The following LARGE1 variants were observed in gnomAD, a reference collection of about 807,000 sequenced individuals.
LARGE1 encodes the protein LARGE xylosyl- and glucuronyltransferase 1, also known as xylosyl- and glucuronyltransferase LARGE1.
A neutral mutation model predicts 87.6 loss-of-function variants in LARGE1; 43 were observed. That is an observed-to-expected ratio of 0.49 (90% CI 0.38 to 0.63). LARGE1 has a LOEUF of 0.63. Ranked by LOEUF, LARGE1 falls within the 30% of genes least tolerant of loss-of-function variation. LARGE1 has a pLI of 0.00. For missense variants in LARGE1, 802 were observed against 1,000.2 expected, an observed-to-expected ratio of 0.80 and a Z score of 2.67; for synonymous variants, 434 against 394.6, an observed-to-expected ratio of 1.10 and a Z score of -1.18.
chr22:33,484,702 G>A (rs1045918435), intron 6 of LARGE1, among the ~76,000 whole-genome samples: 3 of 152,032 alleles, frequency 2.0e-5, no homozygotes, highest in South Asian at 4.2e-4. Flanking sequence ...ACTGTTTTGC[G>A]CCCATCCGCC....
At chr22:33,384,171 C>T (rs752408665) in intron 8 of LARGE1, 21 bp downstream of exon 8, 5 of 1,545,042 alleles carry the variant, frequency 3.2e-6, no homozygotes, top group Admixed American at 3.3e-5. Flanking sequence ...AATAGCTGCA[C>T]CTTCGAACCT....
intron 1 of LARGE1, among the ~76,000 whole-genome samples, chr22:33,876,442 A>G (rs570180299): frequency 1.3e-5 from 2 of 152,264 alleles, no homozygotes; most frequent in African/African-American, 4.8e-5. Flanking sequence ...TGATACAGAT[A>G]TGTTACCTTT....
chr22:33,268,110 T>A (rs775041917), downstream of LARGE1, among the ~76,000 whole-genome samples: 5 of 151,348 alleles, frequency 3.3e-5, no homozygotes, highest in African/African-American at 4.9e-5. Context: ...TCTGCCACTG[T>A]GCCCGGCTAT....
chr22:33,188,011 C>CAT (rs1923579250), intron 11 of LARGE1, among the ~76,000 whole-genome samples: 1 of 141,824 alleles, frequency 7.1e-6, no homozygotes, highest in Non-Finnish European at 1.5e-5. Context: ...ATAGTGTGTG[C>CAT]GGTAATGTCT....
intron 6 of LARGE1, among the ~76,000 whole-genome samples, chr22:33,550,176 C>T (rs5999006): frequency 0.013 from 1,549 of 120,514 alleles, 23 homozygotes; most frequent in African/African-American, 0.042. Flanking sequence ...CACACACACA[C>T]ATATATATAT....
intron 7 of LARGE1, among the ~76,000 whole-genome samples, chr22:33,431,801 C>T (rs569428960): frequency 1.3e-5 from 2 of 152,134 alleles, no homozygotes; most frequent in Admixed American, 6.6e-5. Context: ...AAGTACATAT[C>T]CGTTGTGTTA....
chr22:33,121,963 G>T, the LARGE1 span, among the ~76,000 whole-genome samples: 186 of 152,176 alleles, frequency 1.2e-3, no homozygotes, highest in Admixed American at 2.4e-3. Context: ...CACCCCCATG[G>T]TTCAATTACT....
At chr22:33,850,158 T>C (rs2063547099) in intron 1 of LARGE1, among the ~76,000 whole-genome samples, 2 of 152,308 alleles carry the variant, frequency 1.3e-5, no homozygotes, top group East Asian at 1.9e-4. Context: ...AGAAAAGTCC[T>C]ATTCACTCTC....
At chr22:33,266,939 G>A (rs551979725) in intron 11 of LARGE1, among the ~76,000 whole-genome samples, 3 of 151,702 alleles carry the variant, frequency 2.0e-5, no homozygotes, top group Admixed American at 2.0e-4. Context: ...TCCTCGTCTA[G>A]TAAATAATAT....
intron 2 of LARGE1, among the ~76,000 whole-genome samples, chr22:33,689,637 G>C (rs538361817): frequency 6.6e-6 from 1 of 152,076 alleles, no homozygotes; most frequent in Non-Finnish European, 1.5e-5. Context: ...GGTGAGGTGG[G>C]GGAGAATTAA....
intron 1 of LARGE1, among the ~76,000 whole-genome samples, chr22:33,891,244 A>G (rs1337916675): frequency 6.6e-6 from 1 of 152,180 alleles, no homozygotes; most frequent in South Asian, 2.1e-4. Flanking sequence ...AAAATTTCCA[A>G]TATCTCCACC....
At chr22:33,141,199 C>T in the LARGE1 span, among the ~76,000 whole-genome samples, 1 of 145,308 alleles carries the variant, frequency 6.9e-6, no homozygotes, top group East Asian at 1.9e-4. Flanking sequence ...CTCTCTCACA[C>T]ACACACACAC....
chr22:33,654,360 C>T (rs1466529788), intron 2 of LARGE1, among the ~76,000 whole-genome samples: 3 of 152,130 alleles, frequency 2.0e-5, no homozygotes, highest in Non-Finnish European at 4.4e-5. Flanking sequence ...GCCAGTTTTG[C>T]CTTCTGAAAG....
At chr22:33,728,320 C>T (rs1257703714) in intron 2 of LARGE1, among the ~76,000 whole-genome samples, 3 of 152,120 alleles carry the variant, frequency 2.0e-5, no homozygotes. Flanking sequence ...AGGCAGATCA[C>T]TTGAGGTCAG....
intron 9 of LARGE1, among the ~76,000 whole-genome samples, chr22:33,381,082 G>A (rs2065139373): frequency 6.6e-6 from 1 of 152,178 alleles, no homozygotes; most frequent in South Asian, 2.1e-4. Flanking sequence ...TGCCACCTCT[G>A]CCTCACCATG....
intron 12 of LARGE1, among the ~76,000 whole-genome samples, chr22:33,298,234 C>T (rs1207729058): frequency 6.6e-6 from 1 of 152,168 alleles, no homozygotes; most frequent in African/African-American, 2.4e-5. Context: ...CCGATGCTAG[C>T]AATGGCACAT....
chr22:33,279,683 A>C (rs1235543787), intron 13 of LARGE1, among the ~76,000 whole-genome samples: 1 of 152,224 alleles, frequency 6.6e-6, no homozygotes, highest in Non-Finnish European at 1.5e-5. Context: ...ATGAAAGGTG[A>C]AGCAATGCCA....
At chr22:33,181,983 C>G (rs114668271) in intron 11 of LARGE1, among the ~76,000 whole-genome samples, 1 of 151,850 alleles carries the variant, frequency 6.6e-6, no homozygotes, top group Non-Finnish European at 1.5e-5. Context: ...CAACCACACC[C>G]GGCTAATTTT....
chr22:33,678,003 G>A (rs1432654181), intron 2 of LARGE1, among the ~76,000 whole-genome samples: 3 of 152,158 alleles, frequency 2.0e-5, no homozygotes, highest in African/African-American at 4.8e-5. Flanking sequence ...GTGAGAAGAC[G>A]ATTGGGATCT....
Sources: allele counts gnomAD v4.1 joint callset (sites outside exome capture counted in the v4.1 genomes callset), GRCh38; gene constraint gnomAD v4.1.1; transcripts MANE v1.5; gene names NCBI Gene and HGNC (gene_info 2026-07-23, HGNC 2026-07-21).